The following NECAB3 variants were observed in gnomAD, a reference collection of about 807,000 sequenced individuals.
NECAB3 encodes N-terminal EF-hand calcium-binding protein 3.
NECAB3 carries 38 observed loss-of-function variants against 57.2 expected under a neutral mutation model. That is an observed-to-expected ratio of 0.66 (90% CI 0.51 to 0.87). The LOEUF (loss-of-function observed/expected upper bound fraction) is 0.87, where lower values mean the gene tolerates loss of function less well. Ranked by LOEUF, NECAB3 falls within the 40% of genes least tolerant of loss-of-function variation. NECAB3 has a pLI of 0.00. For missense variants in NECAB3, 474 were observed against 527.5 expected (o/e 0.90, Z 0.99); for synonymous variants, 223 against 222.6 (o/e 1.00, Z -0.02).
intron 4 of NECAB3, 55 bp from the exon 5 acceptor site, chr20:33,669,527 C>A: frequency 1.3e-6 from 2 of 1,595,916 alleles, no homozygotes. Flanking sequence ...TCTACCCACC[C>A]TGGGATTCTG....
chr20:33,662,188 T>C, intron 5 of NECAB3: 1 of 930,250 alleles, frequency 1.1e-6, no homozygotes, highest in Non-Finnish European at 1.6e-6. Flanking sequence ...AGGCTAGAAG[T>C]GACTGAGTGG....
chr20:33,662,231 G>A (rs1338597211), intron 5 of NECAB3: 4 of 1,386,760 alleles, frequency 2.9e-6, no homozygotes, highest in African/African-American at 1.4e-5. Flanking sequence ...CTGGAAGGCG[G>A]TGCTCAGAGC....
In NECAB3 at chr20:33,658,529, C is replaced by T. The variant is rs780875847; in HGVS notation, c.1018G>A (p.Gly340Ser). 6.2e-6 allele frequency: 10 copies of T among 1,614,032 alleles called. No homozygotes were observed. Among genetic ancestry groups the T allele is most frequent in the South Asian group, 3.3e-5 (3 of 91,064 alleles). The change falls in exon 10 of 12, where the codon GGT (glycine) becomes AGT (serine). Residue 340 changes from glycine to serine, a missense_variant. Transcript: ENST00000246190. ...LHVSAQKMLDGASFTLYEFWQ... is the reference protein window; with the variant it reads ...LHVSAQKMLDSASFTLYEFWQ... ...AACTCATACAGGGTGAAGGAGGCAC[C>T]GTCCAGCATCTTCTGGGCGGACACA... is the stretch of plus-strand genomic sequence containing the variant.
In NECAB3 at chr20:33,670,794, T is replaced by C. The variant is rs1355444800; in HGVS notation, c.155-2A>G. On this transcript the variant is annotated splice_acceptor_variant, in intron 2 of 11. Coordinates refer to ENST00000246190, the MANE Select transcript of NECAB3 (RefSeq NM_031232.4). LOFTEE classifies it high-confidence loss of function. ...CCTCAAATGAGAGCTTCCCATCATC[T>C]GGGGTGGCAGGGGGAGGACAGGGAG... 6.2e-7 allele frequency: 1 copy of C among 1,611,526 alleles called. No individual in the cohort carries two copies. Among genetic ancestry groups the C allele is most frequent in the Admixed American group, 1.7e-5 (1 of 59,944 alleles).
In NECAB3 at chr20:33,657,844, T is replaced by C. The variant is rs1257992306; in HGVS notation, c.1176A>G (p.Ile392Met). 1 of 1,541,276 alleles carries C rather than the reference T, an allele frequency of 6.5e-7. No homozygotes were observed. The highest frequency in any genetic ancestry group is 2.0e-5 in the Admixed American group (1 of 50,116). ...CAGGTCTGGCTCAGTTGTTATTCAT[T>C]ATCCACCAGGAGGCTGGGGGTCAGA... is the stretch of plus-strand genomic sequence containing the variant. ...TTVFFPASWW[I>M]MNNN The change falls in exon 12 of 12, where the codon ATA (isoleucine) becomes ATG (methionine). Residue 392 changes from isoleucine (I) to methionine (M), a missense_variant. Transcript: ENST00000246190.
intron 5 of NECAB3, chr20:33,663,789 G>A (rs937242793): frequency 1.5e-5 from 19 of 1,302,188 alleles, no homozygotes; most frequent in Non-Finnish European, 1.9e-5. Context: ...TCCGGTCCCC[G>A]GGGAAGGCTC....
rs758927225 is a variant in NECAB3 at position 33,657,540 on chromosome 20, C to A, written c.*289G>T. On this transcript the variant is annotated 3_prime_UTR_variant, in exon 12 of 12. Transcript: ENST00000246190. ...GACAGGGACGGGACCTGCCCTGGGTCGCTCAGCCAGGCAGGGACAGCAGGG... is the reference window on the plus strand; with the variant it reads ...GACAGGGACGGGACCTGCCCTGGGTAGCTCAGCCAGGCAGGGACAGCAGGG... 5.2e-6 allele frequency: 2 copies of A among 385,670 alleles called. No individual in the cohort carries two copies. Among genetic ancestry groups the A allele is most frequent in the Non-Finnish European group, 8.7e-6 (2 of 230,106 alleles). 23.9% of individuals were successfully genotyped at this position (385,670 alleles called of 1,614,324 possible).
chr20:33,674,148 C>T (rs981908273), intron 1 of NECAB3, 76 bp downstream of exon 1: 277 of 1,214,596 alleles, frequency 2.3e-4, no homozygotes, highest in Non-Finnish European at 2.8e-4. Context: ...GCGGCGGGGC[C>T]CGAACAACCC....
intron 5 of NECAB3, chr20:33,664,704 C>T (rs1360497648): frequency 6.6e-6 from 1 of 151,104 alleles, no homozygotes; most frequent in African/African-American, 2.5e-5. Flanking sequence ...TGCTGCTTCT[C>T]CTCACTCTCC....
At chr20:33,667,913 G>A in intron 5 of NECAB3, 1 of 1,570,772 alleles carries the variant, frequency 6.4e-7, no homozygotes, top group South Asian at 1.2e-5. Flanking sequence ...GCTGAGCAGG[G>A]GCTGCCCGCG....
At position 33,667,723 on chromosome 20, in the gene NECAB3, G is replaced by A. The variant is rs1169256510; in HGVS notation, c.387+1652C>T. 14 of 1,612,102 alleles carry A rather than the reference G, an allele frequency of 8.7e-6. No homozygotes were observed. The highest frequency in any genetic ancestry group is 1.3e-5 in the African/African-American group (1 of 74,918). The stretch of plus-strand genomic sequence containing the variant: ...CTTGCAGCAGGCCCTGCCCCGCAAG[G>A]CCATCACACATCTCAAGAAGCGCAG... On this transcript the variant is annotated intron_variant, in intron 5 of 11. Transcript: ENST00000246190.
At position 33,660,393 on chromosome 20, in the gene NECAB3, C is replaced by T; in HGVS notation, c.390G>A (p.Glu130=). The change falls in exon 6 of 12, where the codon GAG becomes GAA. Residue 130 remains glutamate (E), a splice_region_variant and synonymous_variant. Transcript: ENST00000246190. The surrounding 1 kb of genome is among the most constrained non-coding windows in gnomAD (Gnocchi z 4.1). ...GGTCCACTTTGGAGGCCCTCTCGTA[C>T]TCCTGTGGGCCAAGGAGGGACGGTC... The part of the protein sequence containing the change: ...VLAAMDATKL[E]YERASKVDQF... The T allele has an allele frequency of 6.2e-7, 1 of 1,613,476 alleles. No homozygotes were observed. Among genetic ancestry groups the T allele is most frequent in the Non-Finnish European group, 8.5e-7 (1 of 1,179,756 alleles).
At position 33,659,385 on chromosome 20, in the gene NECAB3, C is replaced by T. The variant is rs550426809; in HGVS notation, c.879+112G>A. The T allele has an allele frequency of 1.3e-4, 120 of 908,214 alleles. No individual in the cohort carries two copies. The African/African-American group carries it at 1.5e-3, about 11-fold the overall frequency. The allele number at this position is 908,214 out of a possible 1,614,324, so 56.3% of individuals were successfully genotyped here. The stretch of plus-strand genomic sequence containing the variant: ...GGCACCTGCTTGCCAGGCCTGGGGG[C>T]GGGGCACATGCGCACTGCAGAGGGT... On this transcript the variant is annotated intron_variant, in intron 8 of 11. Coordinates refer to ENST00000246190, the MANE Select transcript of NECAB3 (RefSeq NM_031232.4).
Position 33,659,494 on chromosome 20 carries a change from C to T in NECAB3, c.879+3G>A, listed in dbSNP as rs1238955910. The T allele has an allele frequency of 1.4e-6, 2 of 1,468,694 alleles. No individual in the cohort carries two copies. The highest frequency in any genetic ancestry group is 1.8e-6 in the Non-Finnish European group (2 of 1,104,996). The allele number at this position is 1,468,694 out of a possible 1,614,324, so 91.0% of individuals were successfully genotyped here. ...CAGCCGCTTGCCCCTCTCCTGGGCT[C>T]ACCAAGTCAGGCCCCTTGGCCAGGT... On this transcript the variant is annotated splice_donor_region_variant and intron_variant, in intron 8 of 11. Coordinates refer to ENST00000246190, the MANE Select transcript of NECAB3 (RefSeq NM_031232.4).
intron 5 of NECAB3, chr20:33,667,720 A>AAG: frequency 1.2e-6 from 2 of 1,612,148 alleles, no homozygotes; most frequent in South Asian, 2.2e-5. Context: ...CCTGCCCCGC[A>AAG]AGGCCATCAC....
At chr20:33,674,790 G>C (rs367946386), upstream of NECAB3, 1 of 152,262 alleles carries the variant, frequency 6.6e-6, no homozygotes, top group African/African-American at 2.4e-5. Context: ...TCAATGTCAA[G>C]TGCTTACAAC....
chr20:33,659,855 G>A, intron 7 of NECAB3, 30 bp downstream of exon 7: 2 of 1,539,088 alleles, frequency 1.3e-6, no homozygotes, highest in Non-Finnish European at 1.7e-6. Flanking sequence ...GCCTGCCTCG[G>A]CCAGGCCTCC....
At chr20:33,674,191 G>A (rs2017897335) in intron 1 of NECAB3, 33 bp downstream of exon 1, 5 of 1,254,430 alleles carry the variant, frequency 4.0e-6, no homozygotes, top group African/African-American at 1.5e-5. Flanking sequence ...CTCGGGTAGG[G>A]AGACACCGCG....
At position 33,660,129 on chromosome 20, in the gene NECAB3, A is replaced by C; in HGVS notation, c.525-126T>G. ...AAAGCCAGTCTCATTTCACCCCGCC[A>C]TGGCTACCCTGCCATGGCTTCCCCG... On this transcript the variant is annotated intron_variant, in intron 6 of 11. Coordinates refer to ENST00000246190, the MANE Select transcript of NECAB3 (RefSeq NM_031232.4). The surrounding 1 kb of genome is among the most constrained non-coding windows in gnomAD (Gnocchi z 4.1). 2.6e-6 allele frequency: 4 copies of C among 1,526,446 alleles called. No homozygotes were observed. Among genetic ancestry groups the C allele is most frequent in the Non-Finnish European group, 3.5e-6 (4 of 1,138,970 alleles). 94.6% of individuals were successfully genotyped at this position (1,526,446 alleles called of 1,614,324 possible).
Sources: allele counts gnomAD v4.1 joint callset, GRCh38; gene constraint gnomAD v4.1.1; non-coding constraint Gnocchi (gnomAD v3.1); transcripts MANE v1.5; gene names NCBI Gene and HGNC (gene_info 2026-07-23, HGNC 2026-07-21).